Variants in CCDC73 observed in about 807,000 individuals in gnomAD.
CCDC73 encodes coiled-coil domain containing 73, also known as coiled-coil domain-containing protein 73.
In CCDC73, 95 loss-of-function variants were observed where a neutral mutation model predicts 116.5. That is an observed-to-expected ratio of 0.82 (90% CI 0.69 to 0.97). CCDC73 has a LOEUF of 0.97. Ranked by LOEUF, CCDC73 falls within the 50% of genes least tolerant of loss-of-function variation. The probability of loss-of-function intolerance (pLI) is 0.00; values close to 1 mark genes in which losing one functional copy is unlikely to be tolerated. For synonymous variants in CCDC73, 398 were observed against 401.3 expected, an observed-to-expected ratio of 0.99 and a Z score of 0.10; for missense variants, 1,066 against 1,206.8, an observed-to-expected ratio of 0.88 and a Z score of 1.73.
chr11:32,677,952 T>A (rs2133289817), intron 7 of CCDC73, among the ~76,000 whole-genome samples: 1 of 39,710 alleles, frequency 2.5e-5, no homozygotes, highest in Non-Finnish European at 4.4e-5. Context: ...CAAGATTCCA[T>A]CTCAAAAAAA....
At chr11:32,722,282 G>A (rs910945764) in intron 2 of CCDC73, among the ~76,000 whole-genome samples, 2 of 152,136 alleles carry the variant, frequency 1.3e-5, no homozygotes, top group African/African-American at 4.8e-5. Context: ...TAGAAAAAGT[G>A]TATTCTCTTA....
intron 6 of CCDC73, among the ~76,000 whole-genome samples, chr11:32,698,540 T>G (rs78405694): frequency 1.3e-5 from 2 of 152,370 alleles, no homozygotes; most frequent in East Asian, 3.9e-4. Flanking sequence ...TTGATTGAAG[T>G]GGTGACCTTC....
chr11:32,798,855 T>A (rs2133414656), upstream of CCDC73, among the ~76,000 whole-genome samples: 1 of 151,548 alleles, frequency 6.6e-6, no homozygotes, highest in Admixed American at 6.6e-5. Context: ...ACACTTTTTT[T>A]TCACTACAAA....
At chr11:32,684,906 G>A (rs1400637570) in intron 6 of CCDC73, among the ~76,000 whole-genome samples, 6 of 151,970 alleles carry the variant, frequency 3.9e-5, no homozygotes, top group African/African-American at 7.3e-5. Flanking sequence ...GCTTGAGCCC[G>A]GGGGGTGGAG....
chr11:32,636,239 T>G (rs35253549), intron 13 of CCDC73, among the ~76,000 whole-genome samples: 12,828 of 152,144 alleles, frequency 0.084, 621 homozygotes, highest in South Asian at 0.12. Flanking sequence ...AAAAATTAAA[T>G]TCATAAATAA....
chr11:32,644,314 A>G (rs1459056272), intron 12 of CCDC73, among the ~76,000 whole-genome samples: 1 of 152,110 alleles, frequency 6.6e-6, no homozygotes, highest in African/African-American at 2.4e-5. Flanking sequence ...GAAGGGAACA[A>G]TGGACACCAG....
chr11:32,707,580 C>A (rs555924699), intron 3 of CCDC73, among the ~76,000 whole-genome samples: 5 of 152,114 alleles, frequency 3.3e-5, no homozygotes, highest in Non-Finnish European at 7.4e-5. Flanking sequence ...AATATGGGGA[C>A]AAGTTTTTTC....
intron 1 of CCDC73, among the ~76,000 whole-genome samples, chr11:32,776,936 A>AAAATATATAT (rs1341535562): frequency 5.5e-5 from 2 of 36,464 alleles, no homozygotes; most frequent in South Asian, 1.4e-3. Context: ...AAAAAAAAAA[A>AAAATATATAT]ATATATATAT....
chr11:32,768,028 G>T (rs888905797), intron 1 of CCDC73, among the ~76,000 whole-genome samples: 12 of 152,110 alleles, frequency 7.9e-5, no homozygotes, highest in East Asian at 3.8e-4. Flanking sequence ...CACACGTATG[G>T]TTATTGCGGC....
intron 2 of CCDC73, chr11:32,758,664 C>A: frequency 4.0e-6 from 1 of 253,036 alleles, no homozygotes; most frequent in East Asian, 9.4e-5. Context: ...AAACGCTATT[C>A]CTTTTCTAAT....
chr11:32,752,957 C>A (rs1850299447), intron 2 of CCDC73, among the ~76,000 whole-genome samples: 1 of 152,080 alleles, frequency 6.6e-6, no homozygotes, highest in Non-Finnish European at 1.5e-5. Flanking sequence ...TGGGCACATG[C>A]CATCATGTCC....
intron 3 of CCDC73, among the ~76,000 whole-genome samples, chr11:32,708,058 A>G (rs183382621): frequency 6.6e-6 from 1 of 152,226 alleles, no homozygotes; most frequent in African/African-American, 2.4e-5. Context: ...TAAGCCTTTG[A>G]TCCATCTTGA....
At chr11:32,806,797 T>G in the CCDC73 span, among the ~76,000 whole-genome samples, 1 of 152,080 alleles carries the variant, frequency 6.6e-6, no homozygotes, top group Non-Finnish European at 1.5e-5. Context: ...CCGGCACAGT[T>G]AAGAATTCTG....
chr11:32,703,827 G>T (rs544490335), intron 3 of CCDC73, among the ~76,000 whole-genome samples: 5 of 152,148 alleles, frequency 3.3e-5, no homozygotes, highest in Admixed American at 2.6e-4. Context: ...TTCTATTCTA[G>T]ATGACTTTAA....
the CCDC73 span, among the ~76,000 whole-genome samples, chr11:32,812,999 GT>G: frequency 6.6e-6 from 1 of 152,002 alleles, no homozygotes; most frequent in Non-Finnish European, 1.5e-5. Context: ...CATTTAGCAT[GT>G]TTTTATATAT....
intron 1 of CCDC73, among the ~76,000 whole-genome samples, chr11:32,780,346 A>G (rs116167005): frequency 0.028 from 4,211 of 152,114 alleles, 183 homozygotes; most frequent in African/African-American, 0.094. Context: ...TTTTTTAAAA[A>G]TAAGAGTACT....
intron 3 of CCDC73, among the ~76,000 whole-genome samples, chr11:32,715,679 A>C (rs78797508): frequency 6.6e-6 from 1 of 152,168 alleles, no homozygotes; most frequent in African/African-American, 2.4e-5. Flanking sequence ...AATATAACAG[A>C]GATATTCAGA....
chr11:32,629,791 T>C (rs1232138266), intron 14 of CCDC73, among the ~76,000 whole-genome samples: 1 of 142,136 alleles, frequency 7.0e-6, no homozygotes, highest in African/African-American at 2.6e-5. Flanking sequence ...AAAAATGGAA[T>C]GGCATCTTAA....
intron 6 of CCDC73, among the ~76,000 whole-genome samples, chr11:32,698,921 G>A (rs1336018831): frequency 6.6e-6 from 1 of 152,046 alleles, no homozygotes; most frequent in Non-Finnish European, 1.5e-5. Context: ...AAAATTCAAT[G>A]CTATTTTAAT....
Sources: allele counts gnomAD v4.1 joint callset (sites outside exome capture counted in the v4.1 genomes callset), GRCh38; gene constraint gnomAD v4.1.1; transcripts MANE v1.5; gene names NCBI Gene and HGNC (gene_info 2026-07-23, HGNC 2026-07-21).